Variants in INTS3 observed in about 807,000 individuals in gnomAD.
INTS3 encodes the protein integrator complex subunit 3.
A neutral mutation model predicts 146.3 loss-of-function variants in INTS3; 34 were observed. The ratio of observed to expected loss-of-function variants is 0.23; its 90% CI spans 0.18 to 0.31. The LOEUF is 0.31. Ranked by LOEUF, INTS3 falls within the 10% of genes least tolerant of loss-of-function variation. The pLI is 1.00. For missense variants in INTS3, 757 were observed against 1,304.2 expected (o/e 0.58, Z 6.46); for synonymous variants, 475 against 494.9 (o/e 0.96, Z 0.53).
At chr1:153,760,416 C>G in intron 12 of INTS3, 26 bp downstream of exon 12, 1 of 1,584,542 alleles carries the variant, frequency 6.3e-7, no homozygotes, top group Non-Finnish European at 8.7e-7. Context: ...CTCTTTTCTC[C>G]CCATGCCTGG....
chr1:153,758,201 A>C (rs1170226116), intron 10 of INTS3, among the ~76,000 whole-genome samples: 1 of 152,064 alleles, frequency 6.6e-6, no homozygotes, highest in African/African-American at 2.4e-5. Flanking sequence ...ATTTCCTTTC[A>C]AATGTTTTCC....
intron 1 of INTS3, among the ~76,000 whole-genome samples, chr1:153,732,067 C>A (rs1407235112): frequency 6.6e-6 from 1 of 151,686 alleles, no homozygotes; most frequent in East Asian, 1.9e-4. Context: ...CCACTCCTGG[C>A]TAATTTTTGT....
At chr1:153,765,299 C>T (rs552033329) in intron 20 of INTS3, among the ~76,000 whole-genome samples, 1 of 152,310 alleles carries the variant, frequency 6.6e-6, no homozygotes, top group South Asian at 2.1e-4. Context: ...CATCCTCCCC[C>T]CTCAGCATCC....
At position 153,757,480 on chromosome 1, in the gene INTS3, G is replaced by A. The variant is rs1672203622; in HGVS notation, c.958-92G>A. ...GAATTGTGGAGAAATAGAGGTCTAG[G>A]GCAAACCTAGAGTTAAGTGGTGCTC... On this transcript the variant is annotated intron_variant, in intron 9 of 29. Coordinates refer to ENST00000318967, the MANE Select transcript of INTS3 (RefSeq NM_023015.5). This position sits in a 1 kb window ranked among gnomAD's most constrained non-coding sequence, Gnocchi z 4.0. The A allele has an allele frequency of 1.8e-6, 2 of 1,093,230 alleles. No homozygotes were observed. The highest frequency in any genetic ancestry group is 2.5e-4 in the Middle Eastern group (1 of 4,012). The allele number at this position is 1,093,230 out of a possible 1,614,324, so 67.7% of individuals were successfully genotyped here. A position where few individuals can be genotyped will look rare whatever the true frequency, so the allele number is the denominator to read the frequency against.
At chr1:153,751,264 G>A (rs370901020) in intron 7 of INTS3, 25 bp downstream of exon 7, 12 of 1,611,474 alleles carry the variant, frequency 7.4e-6, no homozygotes, top group Non-Finnish European at 6.8e-6. Flanking sequence ...CAAAAATAAT[G>A]TGGGGAAGTG....
chr1:153,732,160 TC>T (rs1229652238), intron 1 of INTS3, among the ~76,000 whole-genome samples: 1 of 151,486 alleles, frequency 6.6e-6, no homozygotes, highest in East Asian at 2.0e-4. Flanking sequence ...GCCTTGGCCT[TC>T]CAAATTGCTG....
Position 153,728,578 on chromosome 1 carries a change from A to G in INTS3, c.-57A>G. The stretch of plus-strand genomic sequence containing the variant: ...TCCCTGGCAATCCAGAGATCCCGAT[A>G]TCTAGGACTGTCCATCCATCCACTC... On this transcript the variant is annotated 5_prime_UTR_variant, in exon 1 of 30. It adds an upstream start codon to the 5' untranslated region. Coordinates refer to ENST00000318967, the MANE Select transcript of INTS3 (RefSeq NM_023015.5). 6.4e-7 allele frequency: 1 copy of G among 1,550,802 alleles called. No individual in the cohort carries two copies. Among genetic ancestry groups the G allele is most frequent in the Non-Finnish European group, 8.7e-7 (1 of 1,153,858 alleles).
intron 1 of INTS3, among the ~76,000 whole-genome samples, chr1:153,735,055 C>T (rs1451883535): frequency 3.3e-5 from 5 of 152,132 alleles, no homozygotes; most frequent in Non-Finnish European, 7.3e-5. Context: ...GCATCCTCAA[C>T]CTCCTGGGCT....
intron 3 of INTS3, among the ~76,000 whole-genome samples, chr1:153,742,478 C>CTGTGTG (rs35008806): frequency 1.8e-3 from 271 of 147,548 alleles, no homozygotes; most frequent in African/African-American, 2.4e-3. Context: ...TTTTTAATCT[C>CTGTGTG]TGTGTGTGTG....
chr1:153,754,513 T>G (rs1193947305), intron 8 of INTS3, 129 bp from the exon 9 acceptor site: 11 of 742,174 alleles, frequency 1.5e-5, no homozygotes, highest in Non-Finnish European at 2.7e-5. Flanking sequence ...CCTCCCTTGG[T>G]CTTGTCTTGG....
In INTS3 at chr1:153,773,175, C is replaced by T. The variant is rs1022357399; in HGVS notation, c.3052-18C>T. ...GCCCAGGCTGTTAACTTCCCATTTC[C>T]CCTCCCATCTCTTCCAGGAAGAGGA... On this transcript the variant is annotated intron_variant, in intron 29 of 29. Transcript: ENST00000318967. 6.2e-7 allele frequency: 1 copy of T among 1,613,792 alleles called. No homozygotes were observed. The highest frequency in any genetic ancestry group is 1.3e-5 in the African/African-American group (1 of 74,852).
At chr1:153,748,868 AGG>A in intron 6 of INTS3, 113 bp downstream of exon 6, 1 of 848,174 alleles carries the variant, frequency 1.2e-6, no homozygotes, top group Non-Finnish European at 2.0e-6. Context: ...TAAGTTAGAG[AGG>A]GGGAGGCAAG....
Position 153,772,261 on chromosome 1 carries a change from G to A in INTS3, c.2721-79G>A, listed in dbSNP as rs961131605. ...CATGTAGGCTGCCTCTGTCTTAAGG[G>A]GGCCCTGGCGGGTGGAGGGTGTCTC... On this transcript the variant is annotated intron_variant, in intron 26 of 29. Transcript: ENST00000318967. The surrounding 1 kb of genome is among the most constrained non-coding windows in gnomAD (Gnocchi z 4.6). 5 of 1,502,586 alleles carry A rather than the reference G, an allele frequency of 3.3e-6. No individual in the cohort carries two copies. The highest frequency in any genetic ancestry group is 4.6e-6 in the Non-Finnish European group (5 of 1,095,746). The allele number at this position is 1,502,586 out of a possible 1,614,324, so 93.1% of individuals were successfully genotyped here. A position where few individuals can be genotyped will look rare whatever the true frequency, so the allele number is the denominator to read the frequency against.
At chr1:153,761,445 G>A (rs1250680597) in intron 13 of INTS3, 125 bp from the exon 14 acceptor site, 2 of 657,632 alleles carry the variant, frequency 3.0e-6, no homozygotes, top group South Asian at 1.9e-5. Flanking sequence ...GGGAGGTGGA[G>A]GTTGCAGTGA....
chr1:153,741,409 A>G (rs770175893), intron 3 of INTS3, 41 bp downstream of exon 3: 49 of 1,367,318 alleles, frequency 3.6e-5, no homozygotes, highest in Non-Finnish European at 4.7e-5. Context: ...CTCCTCATAT[A>G]TGATCTGGGA....
At position 153,772,632 on chromosome 1, in the gene INTS3, C is replaced by T; in HGVS notation, c.2822-7C>T. 1.2e-6 allele frequency: 2 copies of T among 1,614,220 alleles called. No individual in the cohort carries two copies. Among genetic ancestry groups the T allele is most frequent in the South Asian group, 1.1e-5 (1 of 91,086 alleles). ...TTCCTTCCCTGCTCTCCCTTTTCTT[C>T]CTCTAGTTTTTAGCCAGACGCCAAT... On this transcript the variant is annotated splice_polypyrimidine_tract_variant and splice_region_variant and intron_variant, in intron 27 of 29. Transcript: ENST00000318967. The surrounding 1 kb of genome is among the most constrained non-coding windows in gnomAD (Gnocchi z 4.6).
At chr1:153,742,192 G>T (rs184302719) in intron 3 of INTS3, among the ~76,000 whole-genome samples, 1 of 152,330 alleles carries the variant, frequency 6.6e-6, no homozygotes, top group Non-Finnish European at 1.5e-5. Flanking sequence ...AATAGGGTCT[G>T]GGGTGAGGGT....
At chr1:153,748,372 T>C (rs1671831613) in intron 5 of INTS3, 9 of 366,824 alleles carry the variant, frequency 2.5e-5, no homozygotes, top group South Asian at 2.1e-4. Flanking sequence ...ATCCTTTCTT[T>C]CCAACTGTGG....
At position 153,752,258 on chromosome 1, in the gene INTS3, C is replaced by G. The variant is rs1671986175; in HGVS notation, c.730-21C>G. On this transcript the variant is annotated intron_variant, in intron 7 of 29. Coordinates refer to ENST00000318967, the MANE Select transcript of INTS3 (RefSeq NM_023015.5). The stretch of plus-strand genomic sequence containing the variant: ...TGTTTTTATTCTCTTTCCTGTCCCC[C>G]ACTTCCTCTTCCCTATCAAGTTCAT... 3.1e-6 allele frequency: 5 copies of G among 1,611,578 alleles called. No homozygotes were observed. The East Asian group carries it at 1.1e-4, about 36-fold the overall frequency.
Sources: gnomAD v4.1 joint callset for allele counts (sites outside exome capture counted in the v4.1 genomes callset) on GRCh38, gnomAD v4.1.1 for gene constraint, Gnocchi (gnomAD v3.1) non-coding constraint, MANE v1.5 for transcripts, NCBI Gene and HGNC (gene_info 2026-07-23, HGNC 2026-07-21) for gene names.